Variants in MBNL1 observed in about 807,000 individuals in gnomAD.
MBNL1 encodes the protein muscleblind-like protein 1.
In MBNL1, 8 loss-of-function variants were observed where a neutral mutation model predicts 42.2. That is an observed-to-expected ratio of 0.19 (90% CI 0.11 to 0.34). MBNL1 has a LOEUF of 0.34. Among genes scored for constraint, MBNL1 ranks in the 10% least tolerant of loss-of-function variants. The pLI, the probability that MBNL1 is intolerant of heterozygous loss-of-function variation, is 1.00. For missense variants in MBNL1, 309 were observed against 495.3 expected (o/e 0.62, Z 3.57); for synonymous variants, 169 against 173.9 (o/e 0.97, Z 0.22).
intron 4 of MBNL1, among the ~76,000 whole-genome samples, chr3:152,439,573 AT>A (rs2099120563): frequency 6.6e-6 from 1 of 152,198 alleles, no homozygotes; most frequent in South Asian, 2.1e-4. Context: ...TATATCTGTA[AT>A]AAACTTTAGA....
At chr3:152,294,376 C>G (rs923105617) in intron 1 of MBNL1, among the ~76,000 whole-genome samples, 1 of 148,458 alleles carries the variant, frequency 6.7e-6, no homozygotes, top group Non-Finnish European at 1.5e-5. Flanking sequence ...CTCTGCCTCC[C>G]AGGTTCACGC....
rs191356730 is a variant in MBNL1, at chr3:152,400,153, G to A, written c.175-14788G>A. The stretch of plus-strand genomic sequence containing the variant: ...ATAAAAGCTACATATTATTGTGAGA[G>A]TTAATGGTAGACGTTGTAATTACCT... On this transcript the variant is annotated intron_variant, in intron 2 of 9. Transcript: ENST00000324210. Among the ~76,000 whole-genome samples the A allele has an allele frequency of 1.2e-4, 18 of 152,312 alleles. No homozygotes were observed. In the East Asian group the frequency reaches 3.5e-3, roughly 29 times the overall value.
intron 2 of MBNL1, among the ~76,000 whole-genome samples, chr3:152,383,463 A>G (rs1021302409): frequency 1.3e-4 from 20 of 152,188 alleles, no homozygotes; most frequent in African/African-American, 4.3e-4. Flanking sequence ...TCTGGAAACA[A>G]CAAAGATATG....
At chr3:152,287,155 C>T (rs946472189) in intron 1 of MBNL1, among the ~76,000 whole-genome samples, 1 of 149,792 alleles carries the variant, frequency 6.7e-6, no homozygotes, top group Admixed American at 6.7e-5. Flanking sequence ...GTGGAGCTTG[C>T]AGTGAGCCGA....
At chr3:152,338,635 T>G (rs1163881407) in intron 2 of MBNL1, 1 of 985,202 alleles carries the variant, frequency 1.0e-6, no homozygotes, top group East Asian at 1.1e-4. Context: ...CTCAGGAGTT[T>G]TCAAAGCACC....
intron 2 of MBNL1, among the ~76,000 whole-genome samples, chr3:152,354,836 A>AT (rs904252975): frequency 6.6e-6 from 1 of 152,186 alleles, no homozygotes; most frequent in African/African-American, 2.4e-5. Flanking sequence ...TGTTTAAATG[A>AT]TTCCCCCTTA....
At chr3:152,370,620 T>C (rs542024023) in intron 2 of MBNL1, among the ~76,000 whole-genome samples, 1 of 152,278 alleles carries the variant, frequency 6.6e-6, no homozygotes, top group Admixed American at 6.5e-5. Flanking sequence ...CTACTATTAA[T>C]TGGGTGGGAG....
intron 2 of MBNL1, among the ~76,000 whole-genome samples, chr3:152,322,222 G>A (rs191551248): frequency 6.6e-6 from 1 of 152,056 alleles, no homozygotes; most frequent in African/African-American, 2.4e-5. Flanking sequence ...GTCTTCTTAA[G>A]CCTAACACAT....
At chr3:152,390,613 G>GCA (rs3220073) in intron 2 of MBNL1, among the ~76,000 whole-genome samples, 23,907 of 147,014 alleles carry the variant, frequency 0.16, 3,286 homozygotes, top group East Asian at 0.42. Context: ...GTATTGTTAT[G>GCA]CACACACACA....
intron 2 of MBNL1, among the ~76,000 whole-genome samples, chr3:152,376,137 A>G (rs1425858059): frequency 6.6e-6 from 1 of 152,212 alleles, no homozygotes; most frequent in African/African-American, 2.4e-5. Context: ...TATAAGATGC[A>G]TGAATATATT....
chr3:152,341,067 A>G, intron 2 of MBNL1: 5 of 815,398 alleles, frequency 6.1e-6, no homozygotes, highest in Non-Finnish European at 8.8e-6. Flanking sequence ...ATATGAAAAC[A>G]TTCAAGTTTA....
chr3:152,301,863 C>T (rs2151580814), intron 2 of MBNL1: 1 of 152,168 alleles, frequency 6.6e-6, no homozygotes, highest in East Asian at 1.9e-4. Flanking sequence ...CAGCTGTGGC[C>T]ATAAGTAACC....
chr3:152,342,204 A>T (rs1251585443), intron 2 of MBNL1, among the ~76,000 whole-genome samples: 1 of 152,090 alleles, frequency 6.6e-6, no homozygotes, highest in Non-Finnish European at 1.5e-5. Context: ...CCAGTTCTCA[A>T]ATCAGTCCTA....
chr3:152,295,573 A>G (rs2058207878), intron 1 of MBNL1, among the ~76,000 whole-genome samples: 1 of 152,216 alleles, frequency 6.6e-6, no homozygotes, highest in African/African-American at 2.4e-5. Flanking sequence ...GTGTGATGGA[A>G]GACACTGGAC....
At chr3:152,292,778 T>A (rs1299396629) in intron 1 of MBNL1, among the ~76,000 whole-genome samples, 1 of 152,010 alleles carries the variant, frequency 6.6e-6, no homozygotes, top group East Asian at 1.9e-4. Flanking sequence ...TTAATACTTT[T>A]TTTTTTTTCA....
chr3:152,419,243 T>A (rs1440264672), intron 3 of MBNL1, among the ~76,000 whole-genome samples: 1 of 152,048 alleles, frequency 6.6e-6, no homozygotes, highest in Non-Finnish European at 1.5e-5. Flanking sequence ...AGTGTTTAAT[T>A]ATTTAAATTT....
intron 2 of MBNL1, chr3:152,340,563 A>G (rs1466949538): frequency 6.2e-7 from 1 of 1,613,444 alleles, no homozygotes; most frequent in African/African-American, 1.3e-5. Context: ...ACATAGCTAC[A>G]ACTGACAGGA....
chr3:152,364,592 C>T lies in MBNL1; in HGVS notation c.175-50349C>T, dbSNP rs1440730863. Among the ~76,000 whole-genome samples, 3 of 151,352 alleles carry T rather than the reference C, an allele frequency of 2.0e-5. No homozygotes were observed. The East Asian group carries it at 5.8e-4, about 29-fold the overall frequency. On this transcript the variant is annotated intron_variant, in intron 2 of 9. Coordinates refer to ENST00000324210, the MANE Select transcript of MBNL1 (RefSeq NM_021038.5). Reference sequence around the variant, plus strand: ...TGTAATGGCATTACATATTTATGGCCAGAATTGGCTCATTAGTGGATAGCT... The same window carrying T: ...TGTAATGGCATTACATATTTATGGCTAGAATTGGCTCATTAGTGGATAGCT...
In MBNL1 at chr3:152,271,774, GT is replaced by G. The variant is rs368355556; in HGVS notation, c.-790+2689del. Reference sequence around the variant, plus strand: ...ACATAGAAAGATTTTAAAGTGTATGGTTTTTTTAGGCCAAAAAGCTTCATAT... The same window carrying G: ...ACATAGAAAGATTTTAAAGTGTATGGTTTTTTAGGCCAAAAAGCTTCATAT... On this transcript the variant is annotated intron_variant, in intron 1 of 9. Coordinates refer to ENST00000324210, the MANE Select transcript of MBNL1 (RefSeq NM_021038.5). Among the ~76,000 whole-genome samples the G allele has an allele frequency of 6.0e-4, 92 of 152,092 alleles. No individual in the cohort carries two copies. The South Asian group carries it at 0.019, about 31-fold the overall frequency.
Sources: gnomAD v4.1 joint callset for allele counts (sites outside exome capture counted in the v4.1 genomes callset) on GRCh38, gnomAD v4.1.1 for gene constraint, MANE v1.5 for transcripts, NCBI Gene and HGNC (gene_info 2026-07-23, HGNC 2026-07-21) for gene names.